The following SLC6A3 variants were observed in gnomAD, a reference collection of about 807,000 sequenced individuals.
The protein encoded by SLC6A3 is sodium-dependent dopamine transporter.
SLC6A3 carries 19 observed loss-of-function variants against 70.4 expected under a neutral mutation model. The observed-to-expected ratio is 0.27, with a 90% CI of 0.19 to 0.40. The LOEUF is 0.40. SLC6A3 is among the 10% of genes least tolerant of loss of function. The pLI is 1.00. For missense variants in SLC6A3, 613 were observed against 838.5 expected, an observed-to-expected ratio of 0.73 and a Z score of 3.32; for synonymous variants, 368 against 356.6, an observed-to-expected ratio of 1.03 and a Z score of -0.36.
Position 1,432,375 on chromosome 5 carries a change from C to T in SLC6A3, c.653+89G>A, listed in dbSNP as rs28382236. The T allele has an allele frequency of 8.1e-4, 766 of 944,004 alleles. 9 individuals carry two copies. The South Asian group carries it at 9.2e-3, about 11-fold the overall frequency. 58.5% of individuals were successfully genotyped at this position (944,004 alleles called of 1,614,324 possible). The stretch of plus-strand genomic sequence containing the variant: ...TTCCCCCTCCCCGCACCCTGGGAGT[C>T]AGCAAGGGCTGGTGTCCAACCAAGG... On this transcript the variant is annotated intron_variant, in intron 4 of 14. Coordinates refer to ENST00000270349, the MANE Select transcript of SLC6A3 (RefSeq NM_001044.5).
intron 4 of SLC6A3, among the ~76,000 whole-genome samples, chr5:1,430,507 C>T (rs996117438): frequency 5.3e-5 from 8 of 152,212 alleles, no homozygotes; most frequent in South Asian, 2.1e-4. Flanking sequence ...CGAACGCCTG[C>T]CCACCATGAG....
rs911855700 is a variant in SLC6A3, at chr5:1,397,659, C to T, written c.1840-2901G>A. Among the ~76,000 whole-genome samples, 1 of 152,186 alleles carries T rather than the reference C, an allele frequency of 6.6e-6. No homozygotes were observed. The highest frequency in any genetic ancestry group is 1.5e-5 in the Non-Finnish European group (1 of 68,036). ...TCAGCCTAGAGCCCTGAGCCCACAA[C>T]AGTGCTTTCGTGAATGAGAGCAGCA... On this transcript the variant is annotated intron_variant, in intron 14 of 14. Transcript: ENST00000270349. This position sits in a 1 kb window ranked among gnomAD's most constrained non-coding sequence, Gnocchi z 4.7.
Position 1,420,574 on chromosome 5 carries a change from C to T in SLC6A3, c.922G>A (p.Ala308Thr). Reference sequence around the variant, plus strand: ...AGTGAGCAGACTGTACTCACAGACGCCTCGCAGAGCCGGTAGAAGTCAACG... The same window carrying T: ...AGTGAGCAGACTGTACTCACAGACGTCTCGCAGAGCCGGTAGAAGTCAACG... ...LSVDFYRLCE[A>T]SVWIDAATQV... The change falls in exon 6 of 15, where the codon GCG becomes ACG. Residue 308 changes from alanine (A) to threonine (T), a missense_variant. Around this residue, in one of 4 missense-constraint regions of SLC6A3, gnomAD observed 348 missense variants for 481.2 expected, o/e 0.72. Transcript: ENST00000270349. 2.5e-6 allele frequency: 4 copies of T among 1,613,366 alleles called. No homozygotes were observed. In the African/African-American group the frequency reaches 4.0e-5, roughly 16 times the overall value.
In SLC6A3 at chr5:1,442,917, C is replaced by T; in HGVS notation, c.281G>A (p.Gly94Asp). 1 of 1,614,198 alleles carries T rather than the reference C, an allele frequency of 6.2e-7. No homozygotes were observed. The highest frequency in any genetic ancestry group is 2.2e-5 in the East Asian group (1 of 44,888). ...WRFPYLCYKNGGGAFLVPYLL... is the reference protein window; with the variant it reads ...WRFPYLCYKNDGGAFLVPYLL... ...GAGGCTGAGATGGGACTTACCGCCA[C>T]CATTTTTGTAGCACAGGTAGGGGAA... The change falls in exon 2 of 15, where the codon GGT (glycine) becomes GAT (aspartate). Residue 94 changes from glycine (G) to aspartate (D), a missense_variant. Physicochemically the swap from Gly to Asp is moderately conservative, Grantham distance 94. Transcript: ENST00000270349. The surrounding 1 kb of genome is among the most constrained non-coding windows in gnomAD (Gnocchi z 5.0).
chr5:1,398,180 G>T lies in SLC6A3; in HGVS notation c.1839+2735C>A, dbSNP rs1038304667. Among the ~76,000 whole-genome samples the T allele has an allele frequency of 3.9e-5, 6 of 152,154 alleles. No homozygotes were observed. In the South Asian group the frequency reaches 8.3e-4, roughly 21 times the overall value. The stretch of plus-strand genomic sequence containing the variant: ...GTTCGAGACCAGCCTGGCCAACATG[G>T]TCAAACCCTGTCTCTACTAAAAACA... On this transcript the variant is annotated intron_variant, in intron 14 of 14. Transcript: ENST00000270349.
intron 1 of SLC6A3, among the ~76,000 whole-genome samples, chr5:1,444,604 G>T (rs577826326): frequency 1.3e-5 from 2 of 152,160 alleles, no homozygotes; most frequent in African/African-American, 4.8e-5. Flanking sequence ...CAACCGGCAC[G>T]ACCCCTCCGG....
intron 6 of SLC6A3, 94 bp downstream of exon 6, chr5:1,420,475 C>A (rs1044757586): frequency 8.1e-6 from 12 of 1,482,126 alleles, no homozygotes; most frequent in Non-Finnish European, 1.1e-5. Flanking sequence ...GTCTGCAACT[C>A]TGACACCTCT....
rs1756242576 is a variant in SLC6A3, at chr5:1,414,830, C to T, written c.1032-15G>A. Reference sequence around the variant, plus strand: ...CAATCGCGTCCCTGTAAGAACAAGACACGCCGTCTCAGGAACCAGCTGAGC... The same window carrying T: ...CAATCGCGTCCCTGTAAGAACAAGATACGCCGTCTCAGGAACCAGCTGAGC... On this transcript the variant is annotated splice_polypyrimidine_tract_variant and intron_variant, in intron 7 of 14. Coordinates refer to ENST00000270349, the MANE Select transcript of SLC6A3 (RefSeq NM_001044.5). 1 of 1,612,720 alleles carries T rather than the reference C, an allele frequency of 6.2e-7. No homozygotes were observed. The highest frequency in any genetic ancestry group is 8.5e-7 in the Non-Finnish European group (1 of 1,179,816).
chr5:1,424,157 G>A (rs1362015884), intron 4 of SLC6A3, among the ~76,000 whole-genome samples: 1 of 152,236 alleles, frequency 6.6e-6, no homozygotes, highest in African/African-American at 2.4e-5. Flanking sequence ...TTGGCCGGGT[G>A]GGCAGATGGC....
chr5:1,422,670 C>CCA lies in SLC6A3; in HGVS notation c.654-658_654-657dup, dbSNP rs768849054. 1.2e-4 allele frequency among the ~76,000 whole-genome samples: 6 copies of CCA among 50,050 alleles called. 1 individual carries two copies. Among genetic ancestry groups the CCA allele is most frequent in the African/African-American group, 5.7e-4 (5 of 8,776 alleles). 32.8% of individuals were successfully genotyped at this position (50,050 alleles called of 152,430 possible). The stretch of plus-strand genomic sequence containing the variant: ...CATGGTGCTGGGTACCCACCGCTGC[C>CCA]CAGTGCTGCCCATGGTGCTGGGTGC... On this transcript the variant is annotated intron_variant, in intron 4 of 14. Coordinates refer to ENST00000270349, the MANE Select transcript of SLC6A3 (RefSeq NM_001044.5).
intron 10 of SLC6A3, among the ~76,000 whole-genome samples, chr5:1,409,491 CCTGGGGTGCTT>C (rs752256191): frequency 6.6e-6 from 1 of 152,124 alleles, no homozygotes; most frequent in Non-Finnish European, 1.5e-5. Flanking sequence ...GCAGCTTCAG[CCTGGGGTGCTT>C]CTGGGGGAGC....
rs1755712136 is a variant in SLC6A3 at position 1,396,122 on chromosome 5, GA to G, written c.1840-1365del. ...CAGAGCACACGCAGCTTCCAGAGAT[GA>G]AGTAGAAAAGAGAATGGCTGGGCTG... On this transcript the variant is annotated intron_variant, in intron 14 of 14. Transcript: ENST00000270349. The surrounding 1 kb of genome is among the most constrained non-coding windows in gnomAD (Gnocchi z 7.0). Among the ~76,000 whole-genome samples, 1 of 152,172 alleles carries G rather than the reference GA, an allele frequency of 6.6e-6. No individual in the cohort carries two copies. Among genetic ancestry groups the G allele is most frequent in the Admixed American group, 6.5e-5 (1 of 15,286 alleles).
At chr5:1,417,031 G>A (rs961372571) in intron 6 of SLC6A3, among the ~76,000 whole-genome samples, 1 of 147,478 alleles carries the variant, frequency 6.8e-6, no homozygotes, top group Non-Finnish European at 1.5e-5. Context: ...ACTCACACCA[G>A]CCCTAGCGGG....
At chr5:1,429,829 G>A (rs993629624) in intron 4 of SLC6A3, among the ~76,000 whole-genome samples, 3 of 152,194 alleles carry the variant, frequency 2.0e-5, no homozygotes, top group African/African-American at 7.2e-5. Flanking sequence ...CACAGCAAGA[G>A]CACATGCAGC....
In SLC6A3 at chr5:1,411,474, C is replaced by T. The variant is rs137876539; in HGVS notation, c.1157-119G>A. The T allele has an allele frequency of 5.8e-4, 452 of 779,698 alleles. No individual in the cohort carries two copies. In the East Asian group the frequency reaches 7.5e-3, roughly 13 times the overall value. The allele number at this position is 779,698 out of a possible 1,614,324, so 48.3% of individuals were successfully genotyped here. A position where few individuals can be genotyped will look rare whatever the true frequency, so the allele number is the denominator to read the frequency against. On this transcript the variant is annotated intron_variant, in intron 8 of 14. Coordinates refer to ENST00000270349, the MANE Select transcript of SLC6A3 (RefSeq NM_001044.5). The surrounding 1 kb of genome is among the most constrained non-coding windows in gnomAD (Gnocchi z 6.5). ...AGGCCTGTAGAGACTAGGGCTGGTGCGGCTCTGCTGAAAAGCCCCCTTCTA... is the reference window on the plus strand; with the variant it reads ...AGGCCTGTAGAGACTAGGGCTGGTGTGGCTCTGCTGAAAAGCCCCCTTCTA...
chr5:1,439,335 T>A (rs1011034143), intron 3 of SLC6A3, among the ~76,000 whole-genome samples: 1 of 5,950 alleles, frequency 1.7e-4, no homozygotes, highest in African/African-American at 6.8e-4. Context: ...GGGGTGGGGG[T>A]GGGGGTGGGG....
chr5:1,424,322 C>T (rs1756529804), intron 4 of SLC6A3, among the ~76,000 whole-genome samples: 1 of 152,344 alleles, frequency 6.6e-6, no homozygotes, highest in African/African-American at 2.4e-5. Flanking sequence ...ACTCCCAGGG[C>T]CTTCTTCTCA....
rs1208585560 is a variant in SLC6A3, at chr5:1,402,440, G to A, written c.1767+482C>T. Among the ~76,000 whole-genome samples the A allele has an allele frequency of 3.3e-5, 5 of 151,994 alleles. No individual in the cohort carries two copies. The highest frequency in any genetic ancestry group is 7.4e-5 in the Non-Finnish European group (5 of 68,010). ...TTCAGCCAAAGTTGGGCTCGGCCCT[G>A]GGGGGACCTAGATCACCCCTGATTC... On this transcript the variant is annotated intron_variant, in intron 13 of 14. Coordinates refer to ENST00000270349, the MANE Select transcript of SLC6A3 (RefSeq NM_001044.5). This position sits in a 1 kb window ranked among gnomAD's most constrained non-coding sequence, Gnocchi z 8.5.
In SLC6A3 at chr5:1,402,458, CCT is replaced by C. The variant is rs1246376715; in HGVS notation, c.1767+462_1767+463del. Among the ~76,000 whole-genome samples, 1 of 152,094 alleles carries C rather than the reference CCT, an allele frequency of 6.6e-6. No individual in the cohort carries two copies. The highest frequency in any genetic ancestry group is 2.4e-5 in the African/African-American group (1 of 41,392). Reference sequence around the variant, plus strand: ...CGGCCCTGGGGGGACCTAGATCACCCCTGATTCTACCGCCCTCAGATGGCTTC... The same window carrying C: ...CGGCCCTGGGGGGACCTAGATCACCCGATTCTACCGCCCTCAGATGGCTTC... On this transcript the variant is annotated intron_variant, in intron 13 of 14. Coordinates refer to ENST00000270349, the MANE Select transcript of SLC6A3 (RefSeq NM_001044.5). The surrounding 1 kb of genome is among the most constrained non-coding windows in gnomAD (Gnocchi z 8.5).
Sources: allele counts gnomAD v4.1 joint callset (sites outside exome capture counted in the v4.1 genomes callset), GRCh38; gene constraint gnomAD v4.1.1; regional missense constraint gnomAD v4.1.1; non-coding constraint Gnocchi (gnomAD v3.1); transcripts MANE v1.5; gene names NCBI Gene and HGNC (gene_info 2026-07-23, HGNC 2026-07-21).